Variants in B4GALT5 observed in about 807,000 individuals in gnomAD.
B4GALT5 encodes the protein UDP-Gal:beta-GlcNAc beta-1,4-galactosyltransferase 5.
In B4GALT5, 11 loss-of-function variants were observed where a neutral mutation model predicts 45.0. The observed-to-expected ratio is 0.24, with a 90% CI of 0.15 to 0.40. The LOEUF is 0.40. Among genes scored for constraint, B4GALT5 ranks in the 10% least tolerant of loss-of-function variants. The probability of loss-of-function intolerance (pLI) is 1.00; values close to 1 mark genes in which losing one functional copy is unlikely to be tolerated. For synonymous variants in B4GALT5, 185 were observed against 182.9 expected (o/e 1.01, Z -0.09); for missense variants, 337 against 500.2 (o/e 0.67, Z 3.11).
Position 49,634,026 on chromosome 20 carries a change from C to A in B4GALT5, c.*2286G>T, listed in dbSNP as rs1359461500. 1 of 152,600 alleles carries A rather than the reference C, an allele frequency of 6.6e-6. No homozygotes were observed. Among genetic ancestry groups the A allele is most frequent in the Non-Finnish European group, 1.5e-5 (1 of 68,040 alleles). 9.5% of individuals were successfully genotyped at this position (152,600 alleles called of 1,614,324 possible). ...AATGAACTTCTGTGTGTAATGTTCA[C>A]TTGTGAAGGTATTTTAAAGCATGAA... On this transcript the variant is annotated 3_prime_UTR_variant, in exon 9 of 9. Transcript: ENST00000371711.
At chr20:49,641,029 A>G (rs2122995968) in intron 5 of B4GALT5, among the ~76,000 whole-genome samples, 1 of 152,258 alleles carries the variant, frequency 6.6e-6, no homozygotes, top group Middle Eastern at 3.4e-3. Context: ...GTAGGAGAAT[A>G]GCTTGAACCC....
intron 1 of B4GALT5, among the ~76,000 whole-genome samples, chr20:49,694,659 G>A (rs1288770157): frequency 7.7e-5 from 1 of 12,956 alleles, no homozygotes; most frequent in Admixed American, 7.7e-4. Flanking sequence ...AAAGGGAAAA[G>A]GAAAGGGAAA....
At chr20:49,638,778 T>C (rs6019945) in intron 7 of B4GALT5, among the ~76,000 whole-genome samples, 2,222 of 151,816 alleles carry the variant, frequency 0.015, 61 homozygotes, top group African/African-American at 0.051. Flanking sequence ...TTTTCCTAAA[T>C]AGGAATAACA....
chr20:49,695,300 T>C (rs545008735), intron 1 of B4GALT5, among the ~76,000 whole-genome samples: 13 of 152,152 alleles, frequency 8.5e-5, no homozygotes, highest in African/African-American at 3.1e-4. Flanking sequence ...CCTTTCAGAA[T>C]GTCTTCCACG....
chr20:49,675,729 T>C (rs1225102511), intron 1 of B4GALT5, among the ~76,000 whole-genome samples: 2 of 152,216 alleles, frequency 1.3e-5, no homozygotes, highest in Non-Finnish European at 2.9e-5. Context: ...TTTTAGTCTC[T>C]TCTCACCTTG....
chr20:49,670,252 TAAC>T (rs2085710123), intron 1 of B4GALT5, among the ~76,000 whole-genome samples: 1 of 152,212 alleles, frequency 6.6e-6, no homozygotes, highest in Non-Finnish European at 1.5e-5. Context: ...ATCACATTTT[TAAC>T]AACATGAAAA....
At chr20:49,646,155 T>A (rs929152758) in intron 3 of B4GALT5, among the ~76,000 whole-genome samples, 6 of 152,216 alleles carry the variant, frequency 3.9e-5, no homozygotes, top group Admixed American at 3.9e-4. Flanking sequence ...TTTTTAAAAC[T>A]TTTTACAAGT....
chr20:49,707,858 C>T (rs1041891568), intron 1 of B4GALT5, among the ~76,000 whole-genome samples: 2 of 151,858 alleles, frequency 1.3e-5, no homozygotes, highest in Admixed American at 1.3e-4. Flanking sequence ...AAGGAATCCG[C>T]CCATCTTGGC....
At chr20:49,684,414 T>G (rs1189627760) in intron 1 of B4GALT5, among the ~76,000 whole-genome samples, 1 of 151,980 alleles carries the variant, frequency 6.6e-6, no homozygotes, top group Non-Finnish European at 1.5e-5. Context: ...CACAAAAAAA[T>G]TAGCTGAGCG....
intron 1 of B4GALT5, among the ~76,000 whole-genome samples, chr20:49,695,415 A>AT (rs11297973): frequency 0.033 from 4,645 of 142,134 alleles, 235 homozygotes; most frequent in African/African-American, 0.11. Context: ...GTTGTGGTTT[A>AT]TTTTTTTTTT....
chr20:49,685,526 T>C (rs1157866774), intron 1 of B4GALT5, among the ~76,000 whole-genome samples: 1 of 152,028 alleles, frequency 6.6e-6, no homozygotes, highest in African/African-American at 2.4e-5. Flanking sequence ...TGGCAAACAG[T>C]AGGGGAGAAA....
chr20:49,698,795 T>C (rs2085849812), intron 1 of B4GALT5, among the ~76,000 whole-genome samples: 1 of 152,188 alleles, frequency 6.6e-6, no homozygotes, highest in Non-Finnish European at 1.5e-5. Context: ...CCTAGCTTTT[T>C]ATTTTTTTAA....
chr20:49,637,845 A>T (rs1601244191), intron 7 of B4GALT5, among the ~76,000 whole-genome samples: 1 of 152,024 alleles, frequency 6.6e-6, no homozygotes, highest in African/African-American at 2.4e-5. Flanking sequence ...AGGCTGAGAC[A>T]GGAGAATCAC....
intron 2 of B4GALT5, among the ~76,000 whole-genome samples, chr20:49,651,600 A>G (rs1049312098): frequency 6.6e-6 from 1 of 151,994 alleles, no homozygotes; most frequent in Non-Finnish European, 1.5e-5. Context: ...AAAAAAAAAA[A>G]GAAGATAGAT....
intron 2 of B4GALT5, 50 bp from the exon 3 acceptor site, chr20:49,647,128 C>G (rs543305746): frequency 8.6e-7 from 1 of 1,166,542 alleles, no homozygotes; most frequent in Non-Finnish European, 1.3e-6. Flanking sequence ...TGTGATCAAC[C>G]GTGCAATTAT....
chr20:49,708,295 T>C (rs887181011), intron 1 of B4GALT5, among the ~76,000 whole-genome samples: 5 of 152,174 alleles, frequency 3.3e-5, no homozygotes, highest in Non-Finnish European at 7.3e-5. Flanking sequence ...CCAATGTTTA[T>C]GTAGAATGTA....
chr20:49,693,538 C>G (rs1480247999), intron 1 of B4GALT5, among the ~76,000 whole-genome samples: 4 of 152,178 alleles, frequency 2.6e-5, no homozygotes, highest in Non-Finnish European at 5.9e-5. Flanking sequence ...AGTATCTCTA[C>G]CTTGCTGTTT....
In B4GALT5 at chr20:49,713,726, G is replaced by T. The variant is rs2085932239; in HGVS notation, c.-36C>A. 6.7e-6 allele frequency: 6 copies of T among 898,414 alleles called. No individual in the cohort carries two copies. The highest frequency in any genetic ancestry group is 9.0e-6 in the Non-Finnish European group (6 of 669,050). 55.7% of individuals were successfully genotyped at this position (898,414 alleles called of 1,614,324 possible). A position where few individuals can be genotyped will look rare whatever the true frequency, so the allele number is the denominator to read the frequency against. ...GGCGGCCGCTAGAGAGCCAGGCCGG[G>T]CCTGCTCCCGCAGCTCCCCGTCCGC... On this transcript the variant is annotated 5_prime_UTR_variant, in exon 1 of 9. Transcript: ENST00000371711.
At chr20:49,659,538 T>G (rs6067170) in intron 1 of B4GALT5, among the ~76,000 whole-genome samples, 71,099 of 152,080 alleles carry the variant, frequency 0.47, 17,603 homozygotes, top group South Asian at 0.65. Context: ...ACATAGTATT[T>G]TTTTTTCTAA....
Sources: allele counts gnomAD v4.1 joint callset (sites outside exome capture counted in the v4.1 genomes callset), GRCh38; gene constraint gnomAD v4.1.1; transcripts MANE v1.5; gene names NCBI Gene and HGNC (gene_info 2026-07-23, HGNC 2026-07-21).